DDX6: variants seen among roughly 807,000 people sequenced by gnomAD.
DDX6 encodes the protein DEAD-box helicase 6, also known as probable ATP-dependent RNA helicase DDX6.
DDX6 carries 7 observed loss-of-function variants against 60.6 expected under a neutral mutation model. The observed-to-expected ratio is 0.12, with a 90% CI of 0.07 to 0.22. The LOEUF is 0.22. Ranked by LOEUF, DDX6 falls within the 10% of genes least tolerant of loss-of-function variation. The probability of loss-of-function intolerance (pLI) is 1.00; values close to 1 mark genes in which losing one functional copy is unlikely to be tolerated. For missense variants in DDX6, 270 were observed against 589.9 expected (o/e 0.46, Z 5.62); for synonymous variants, 207 against 201.0 (o/e 1.03, Z -0.25).
intron 4 of DDX6, among the ~76,000 whole-genome samples, chr11:118,769,454 T>C (rs1191251882): frequency 1.3e-5 from 2 of 152,214 alleles, no homozygotes; most frequent in Non-Finnish European, 2.9e-5. Flanking sequence ...CTTACTTTGT[T>C]ATCTATTTTG....
At chr11:118,773,038 C>T (rs1224444943) in intron 4 of DDX6, among the ~76,000 whole-genome samples, 2 of 152,158 alleles carry the variant, frequency 1.3e-5, no homozygotes, top group Non-Finnish European at 2.9e-5. Flanking sequence ...TTTCTCTAGC[C>T]TTCTCAATCT....
At chr11:118,784,882 C>T (rs1171973514) in intron 2 of DDX6, among the ~76,000 whole-genome samples, 1 of 152,104 alleles carries the variant, frequency 6.6e-6, no homozygotes, top group Non-Finnish European at 1.5e-5. Flanking sequence ...TCCCAAGTAG[C>T]ATTATGGGCA....
chr11:118,778,736 G>C (rs12295561), intron 4 of DDX6, among the ~76,000 whole-genome samples: 4,873 of 152,184 alleles, frequency 0.032, 267 homozygotes, highest in African/African-American at 0.11. Context: ...CATCACCAAA[G>C]AGGAATAAAT....
At chr11:118,788,998 T>A (rs914345043) in intron 1 of DDX6, 1 of 151,908 alleles carries the variant, frequency 6.6e-6, no homozygotes, top group African/African-American at 2.4e-5. Flanking sequence ...TACTTTTAAT[T>A]GGAGTTAATA....
chr11:118,769,002 A>AT (rs1861446907), intron 4 of DDX6, among the ~76,000 whole-genome samples: 1 of 149,396 alleles, frequency 6.7e-6, no homozygotes, highest in Non-Finnish European at 1.5e-5. Context: ...AAAAAAAAAA[A>AT]AAAAAAAGGC....
intron 3 of DDX6, 84 bp from the exon 4 acceptor site, chr11:118,779,820 A>G (rs1391032301): frequency 1.9e-6 from 2 of 1,071,154 alleles, no homozygotes; most frequent in South Asian, 1.5e-5. Context: ...TCTGTGTTTA[A>G]GAAAATTTAT....
chr11:118,768,437 T>G, intron 4 of DDX6, 85 bp from the exon 5 acceptor site: 4 of 1,438,136 alleles, frequency 2.8e-6, no homozygotes, highest in Non-Finnish European at 3.8e-6. Context: ...AGGATACCTC[T>G]TTCGGTATTG....
At chr11:118,758,316 A>C (rs1555159418) in intron 9 of DDX6, among the ~76,000 whole-genome samples, 1 of 152,198 alleles carries the variant, frequency 6.6e-6, no homozygotes, top group Non-Finnish European at 1.5e-5. Context: ...TTTAGTATCA[A>C]CTTTAGGTCA....
intron 2 of DDX6, among the ~76,000 whole-genome samples, chr11:118,782,749 A>G (rs1324124242): frequency 6.6e-6 from 1 of 151,708 alleles, no homozygotes; most frequent in African/African-American, 2.4e-5. Flanking sequence ...GGTTCAAGCA[A>G]TTCTCCTGCC....
In DDX6 at chr11:118,763,287, G is replaced by T; in HGVS notation, c.666C>A (p.Thr222=). The T allele has an allele frequency of 6.2e-7, 1 of 1,612,698 alleles. No individual in the cohort carries two copies. ...LDDTVHVVIA[T]PGRILDLIKK... is the part of the protein sequence containing the mutation. ...TAATAAGATCCAGGATTCTCCCAGG[G>T]GTAGCAATCACCACGTGCACTATGC... is the stretch of plus-strand genomic sequence containing the variant. The change falls in exon 7 of 14, where the codon ACC becomes ACA. Residue 222 remains threonine (T), a synonymous_variant. Coordinates refer to ENST00000534980, the MANE Select transcript of DDX6 (RefSeq NM_004397.6).
intron 11 of DDX6, among the ~76,000 whole-genome samples, chr11:118,755,956 T>G (rs1233363740): frequency 6.6e-6 from 1 of 150,588 alleles, no homozygotes; most frequent in African/African-American, 2.5e-5. Context: ...AGGTGGAGGT[T>G]TCAGAGAGCC....
At position 118,786,314 on chromosome 11, in the gene DDX6, A is replaced by T; in HGVS notation, c.-63T>A. ...TTTTGAAAGTCAGTAGAGAAACTGTAATAACAGTTTATTAGGCTCTCCAAA... is the reference window on the plus strand; with the variant it reads ...TTTTGAAAGTCAGTAGAGAAACTGTTATAACAGTTTATTAGGCTCTCCAAA... On this transcript the variant is annotated 5_prime_UTR_variant, in exon 2 of 14. Transcript: ENST00000534980. 7 of 1,389,068 alleles carry T rather than the reference A, an allele frequency of 5.0e-6. No homozygotes were observed. The highest frequency in any genetic ancestry group is 1.4e-5 in the African/African-American group (1 of 69,558). The allele number at this position is 1,389,068 out of a possible 1,614,324, so 86.0% of individuals were successfully genotyped here.
intron 4 of DDX6, among the ~76,000 whole-genome samples, chr11:118,774,344 G>A (rs782205652): frequency 3.9e-5 from 6 of 152,098 alleles, no homozygotes; most frequent in Non-Finnish European, 8.8e-5. Flanking sequence ...ACCTAGAACT[G>A]GTCACAGATG....
At chr11:118,789,882 C>G (rs1376678446) in intron 1 of DDX6, 1 of 152,146 alleles carries the variant, frequency 6.6e-6, no homozygotes, top group Non-Finnish European at 1.5e-5. Flanking sequence ...TCCTCCTACC[C>G]CTTCCCAATT....
chr11:118,785,043 C>T (rs1862029264), intron 2 of DDX6, among the ~76,000 whole-genome samples: 2 of 152,214 alleles, frequency 1.3e-5, no homozygotes, highest in Non-Finnish European at 2.9e-5. Flanking sequence ...GCTTGGACTA[C>T]AGGCGTGTGC....
At chr11:118,789,243 A>G (rs545614997) in intron 1 of DDX6, 2 of 151,362 alleles carry the variant, frequency 1.3e-5, no homozygotes, top group East Asian at 3.9e-4. Flanking sequence ...GCGCAGCTAA[A>G]TTTTTTCTAT....
chr11:118,789,970 T>C (rs933424126), intron 1 of DDX6: 2 of 152,158 alleles, frequency 1.3e-5, no homozygotes, highest in Non-Finnish European at 2.9e-5. Flanking sequence ...CGTAGACTAG[T>C]TGGGAGGAGC....
In DDX6 at chr11:118,751,256, A is replaced by G. The variant is rs1860758422; in HGVS notation, c.*849T>C. The G allele has an allele frequency of 6.6e-6, 1 of 152,214 alleles. No homozygotes were observed. The highest frequency in any genetic ancestry group is 1.5e-5 in the Non-Finnish European group (1 of 68,030). 9.4% of individuals were successfully genotyped at this position (152,214 alleles called of 1,614,324 possible). A position where few individuals can be genotyped will look rare whatever the true frequency, so the allele number is the denominator to read the frequency against. On this transcript the variant is annotated 3_prime_UTR_variant, in exon 14 of 14. Transcript: ENST00000534980. ...TAACCCAGTCTTTAGTGTCTGCTATAGAGCACAAAGGCTTGTCATATGGCT... is the reference window on the plus strand; with the variant it reads ...TAACCCAGTCTTTAGTGTCTGCTATGGAGCACAAAGGCTTGTCATATGGCT...
At chr11:118,784,099 A>C (rs1025559877) in intron 2 of DDX6, among the ~76,000 whole-genome samples, 1 of 151,350 alleles carries the variant, frequency 6.6e-6, no homozygotes, top group African/African-American at 2.4e-5. Flanking sequence ...AAAAAAAAAA[A>C]AAAAGTTATA....
Sources: allele counts gnomAD v4.1 joint callset (sites outside exome capture counted in the v4.1 genomes callset), GRCh38; gene constraint gnomAD v4.1.1; transcripts MANE v1.5; gene names NCBI Gene and HGNC (gene_info 2026-07-23, HGNC 2026-07-21).